Variants in SKIC3 observed in about 807,000 individuals in gnomAD.
SKIC3 encodes superkiller complex protein 3.
chr5:95,520,661 T>G, the SKIC3 span: 1 of 1,352,962 alleles, frequency 7.4e-7, no homozygotes, highest in Non-Finnish European at 1.0e-6. Context: ...CTTCTAAATT[T>G]GGCTTCATTT....
the SKIC3 span, chr5:95,494,992 G>A: frequency 1.2e-6 from 2 of 1,613,656 alleles, no homozygotes; most frequent in East Asian, 4.5e-5. Context: ...CAGAATATGA[G>A]CCACATTTCC....
the SKIC3 span, among the ~76,000 whole-genome samples, chr5:95,518,930 A>C: frequency 6.6e-6 from 1 of 151,978 alleles, no homozygotes; most frequent in South Asian, 2.1e-4. Context: ...CCCATAAACC[A>C]TATAAGAGTT....
the SKIC3 span, chr5:95,541,791 G>T: frequency 3.3e-6 from 5 of 1,521,954 alleles, no homozygotes; most frequent in Non-Finnish European, 4.6e-6. Flanking sequence ...GAAAGAAACT[G>T]GACTTTCCTC....
the SKIC3 span, chr5:95,494,851 G>C: frequency 6.3e-7 from 1 of 1,598,672 alleles, no homozygotes; most frequent in Non-Finnish European, 8.6e-7. Context: ...CTTTCAAACT[G>C]ACTAAAAGAC....
the SKIC3 span, among the ~76,000 whole-genome samples, chr5:95,502,637 T>C: frequency 6.6e-6 from 1 of 152,242 alleles, no homozygotes; most frequent in African/African-American, 2.4e-5. Context: ...GTTTCTCTTT[T>C]AAAAAAACAA....
the SKIC3 span, among the ~76,000 whole-genome samples, chr5:95,479,773 C>T: frequency 1.1e-4 from 16 of 151,378 alleles, no homozygotes; most frequent in Non-Finnish European, 1.5e-4. Context: ...ACATCTCCCC[C>T]GCAGATAAGG....
chr5:95,513,447 C>T, the SKIC3 span: 2 of 1,034,282 alleles, frequency 1.9e-6, no homozygotes, highest in Non-Finnish European at 2.9e-6. Flanking sequence ...CCTGCCTTGG[C>T]ATCCCAAATC....
chr5:95,502,756 TG>T, the SKIC3 span: 2 of 1,181,410 alleles, frequency 1.7e-6, no homozygotes, highest in Non-Finnish European at 2.5e-6. Flanking sequence ...CAGAACCAGG[TG>T]GGCCCAATCC....
chr5:95,529,021 G>T, the SKIC3 span: 1 of 1,613,610 alleles, frequency 6.2e-7, no homozygotes, highest in East Asian at 2.2e-5. Flanking sequence ...TGAAAGAACA[G>T]CTTCTTTAGG....
At chr5:95,470,087 C>T in the SKIC3 span, among the ~76,000 whole-genome samples, 6,652 of 151,906 alleles carry the variant, frequency 0.044, 188 homozygotes, top group Non-Finnish European at 0.065. Context: ...CCGCCATTCT[C>T]CTGCCTCAGC....
the SKIC3 span, among the ~76,000 whole-genome samples, chr5:95,554,098 A>G: frequency 3.6e-4 from 55 of 152,210 alleles, no homozygotes; most frequent in Non-Finnish European, 5.9e-4. Context: ...AAAATATTCC[A>G]TATAAAAGTA....
chr5:95,530,206 G>C, the SKIC3 span: 1 of 1,613,406 alleles, frequency 6.2e-7, no homozygotes, highest in Non-Finnish European at 8.5e-7. Context: ...CAACAATACT[G>C]CTGCCCCTCA....
At chr5:95,492,682 A>AAAAAAAAAAAAAAAAAC in the SKIC3 span, among the ~76,000 whole-genome samples, 1 of 140,314 alleles carries the variant, frequency 7.1e-6, no homozygotes, top group Non-Finnish European at 1.5e-5. Context: ...AAAAAAAAAA[A>AAAAAAAAAAAAAAAAAC]AAAAAAACAA....
chr5:95,478,210 A>G, the SKIC3 span: 1 of 1,503,162 alleles, frequency 6.7e-7, no homozygotes, highest in South Asian at 1.2e-5. Flanking sequence ...TCAATTGAAT[A>G]TTACTATGTA....
At chr5:95,481,886 T>C in the SKIC3 span, among the ~76,000 whole-genome samples, 13 of 152,210 alleles carry the variant, frequency 8.5e-5, no homozygotes, top group Non-Finnish European at 1.8e-4. Flanking sequence ...AAAAGCCCTT[T>C]TGATACTTTC....
chr5:95,543,648 G>C, the SKIC3 span, among the ~76,000 whole-genome samples: 2 of 152,164 alleles, frequency 1.3e-5, no homozygotes, highest in Non-Finnish European at 2.9e-5. Context: ...CATCCTGCCT[G>C]TCTCCATACT....
chr5:95,544,868 A>C, the SKIC3 span, among the ~76,000 whole-genome samples: 1 of 152,204 alleles, frequency 6.6e-6, no homozygotes, highest in East Asian at 1.9e-4. Flanking sequence ...CATAAACTGG[A>C]GAAGGCTTCC....
the SKIC3 span, among the ~76,000 whole-genome samples, chr5:95,551,546 G>GA: frequency 6.6e-6 from 1 of 151,842 alleles, no homozygotes; most frequent in African/African-American, 2.4e-5. Flanking sequence ...AGTTAAAAAA[G>GA]AAAAAAAAGT....
chr5:95,508,605 C>T, the SKIC3 span, among the ~76,000 whole-genome samples: 2 of 152,194 alleles, frequency 1.3e-5, no homozygotes, highest in African/African-American at 4.8e-5. Context: ...CATTCTTAAA[C>T]TCACCTGAAA....
Sources: allele counts gnomAD v4.1 joint callset (sites outside exome capture counted in the v4.1 genomes callset), GRCh38; gene constraint gnomAD v4.1.1; transcripts MANE v1.5; gene names NCBI Gene and HGNC (gene_info 2026-07-23, HGNC 2026-07-21).